NSD2: variants seen among roughly 807,000 people sequenced by gnomAD.
NSD2 encodes histone-lysine N-methyltransferase NSD2.
NSD2 carries 12 observed loss-of-function variants against 139.0 expected under a neutral mutation model. The observed-to-expected ratio is 0.09, with a 90% CI of 0.06 to 0.14. NSD2 has a LOEUF of 0.14. Ranked by LOEUF, NSD2 falls within the 10% of genes least tolerant of loss-of-function variation. The pLI, the probability that NSD2 is intolerant of heterozygous loss-of-function variation, is 1.00. For missense variants in NSD2, 1,155 were observed against 1,745.0 expected (o/e 0.66, Z 6.02); for synonymous variants, 669 against 648.7 (o/e 1.03, Z -0.48).
rs1311678740 is a variant in NSD2, at chr4:1,955,020, G to A, written c.2339-141G>A. The A allele has an allele frequency of 2.0e-6, 2 of 996,188 alleles. No homozygotes were observed. The highest frequency in any genetic ancestry group is 2.9e-6 in the Non-Finnish European group (2 of 688,004). The allele number at this position is 996,188 out of a possible 1,614,324, so 61.7% of individuals were successfully genotyped here. On this transcript the variant is annotated intron_variant, in intron 12 of 21. Coordinates refer to ENST00000508803, the MANE Select transcript of NSD2 (RefSeq NM_001042424.3). This position sits in a 1 kb window ranked among gnomAD's most constrained non-coding sequence, Gnocchi z 4.7. ...GTTTTGAAGCACCTTTGCTCTGAAA[G>A]CTTTTTTTAAATCAAATACCTCCAT...
chr4:1,964,130 A>G (rs1409911992), intron 18 of NSD2, among the ~76,000 whole-genome samples: 1 of 152,348 alleles, frequency 6.6e-6, no homozygotes, highest in Admixed American at 6.5e-5. Context: ...ACAAGACTAC[A>G]TTTAAAGGAG....
chr4:1,953,286 G>T, intron 11 of NSD2, 38 bp from the exon 12 acceptor site: 1 of 1,614,156 alleles, frequency 6.2e-7, no homozygotes. Context: ...CTTGTTCTTT[G>T]CACCTCTCTC....
intron 5 of NSD2, among the ~76,000 whole-genome samples, chr4:1,927,693 T>G (rs1281428661): frequency 8.5e-6 from 1 of 117,658 alleles, no homozygotes; most frequent in East Asian, 2.7e-4. Context: ...CACTCCAGCC[T>G]GGGCCACAAT....
At chr4:1,897,296 A>G (rs1173788927) in intron 1 of NSD2, among the ~76,000 whole-genome samples, 1 of 152,126 alleles carries the variant, frequency 6.6e-6, no homozygotes, top group Non-Finnish European at 1.5e-5. Flanking sequence ...AGCCTGGACA[A>G]TATAGTGAGA....
intron 7 of NSD2, among the ~76,000 whole-genome samples, chr4:1,938,101 C>T (rs1722612977): frequency 1.3e-5 from 2 of 152,286 alleles, no homozygotes; most frequent in South Asian, 4.1e-4. Context: ...GGTGCATGTT[C>T]AATAAGACTC....
At chr4:1,888,410 CAAAAAAAAAAAAAA>C (rs61397233) in intron 1 of NSD2, among the ~76,000 whole-genome samples, 5 of 53,200 alleles carry the variant, frequency 9.4e-5, no homozygotes, top group Non-Finnish European at 9.5e-5. Context: ...GAGATTGCCT[CAAAAAAAAAAAAAA>C]AAAAAAAAAA....
intron 1 of NSD2, among the ~76,000 whole-genome samples, chr4:1,888,116 T>C (rs1018827182): frequency 3.9e-5 from 6 of 152,090 alleles, no homozygotes; most frequent in African/African-American, 1.4e-4. Flanking sequence ...GAGGCAACGT[T>C]TATTAAGGCT....
At position 1,976,768 on chromosome 4, in the gene NSD2, C is replaced by T. The variant is rs1727125836; in HGVS notation, c.3826+89C>T. 2 of 1,399,552 alleles carry T rather than the reference C, an allele frequency of 1.4e-6. No individual in the cohort carries two copies. Among genetic ancestry groups the T allele is most frequent in the Non-Finnish European group, 1.9e-6 (2 of 1,041,682 alleles). 86.7% of individuals were successfully genotyped at this position (1,399,552 alleles called of 1,614,324 possible). On this transcript the variant is annotated intron_variant, in intron 21 of 21. Transcript: ENST00000508803. The surrounding 1 kb of genome is among the most constrained non-coding windows in gnomAD (Gnocchi z 5.3). ...GCTGCCGCTCTTCCTGCTGACCGGG[C>T]CTCATCTGGGTGCAGGCACATCAGG...
Position 1,976,688 on chromosome 4 carries a change from G to T in NSD2, c.3826+9G>T, listed in dbSNP as rs1180946927. ...TGGCAAGCGGCCCTTCGGTGGGTGT[G>T]CAGCCTCGCGGTGGCTTGCAGCTGT... On this transcript the variant is annotated intron_variant, in intron 21 of 21. Coordinates refer to ENST00000508803, the MANE Select transcript of NSD2 (RefSeq NM_001042424.3). The surrounding 1 kb of genome is among the most constrained non-coding windows in gnomAD (Gnocchi z 5.3). The T allele has an allele frequency of 2.6e-6, 4 of 1,559,564 alleles. No homozygotes were observed. In the South Asian group the frequency reaches 4.7e-5, roughly 18 times the overall value.
At chr4:1,873,873 A>G (rs1361712788) in intron 1 of NSD2, among the ~76,000 whole-genome samples, 3 of 152,214 alleles carry the variant, frequency 2.0e-5, no homozygotes, top group African/African-American at 4.8e-5. Flanking sequence ...TTTTAGAGAC[A>G]GGGTCTCTCT....
chr4:1,981,894 G>A lies in NSD2; in HGVS notation c.*2985G>A, dbSNP rs1727803301. ...AATGCTGTGTCCACGGGGTGTCACA[G>A]CCTCACCATACCCTGTTGAGGTGTG... On this transcript the variant is annotated 3_prime_UTR_variant, in exon 22 of 22. Transcript: ENST00000508803. 2.5e-6 allele frequency: 1 copy of A among 398,674 alleles called. No homozygotes were observed. The highest frequency in any genetic ancestry group is 1.3e-4 in the South Asian group (1 of 7,864). The allele number at this position is 398,674 out of a possible 1,614,324, so 24.7% of individuals were successfully genotyped here. A position where few individuals can be genotyped will look rare whatever the true frequency, so the allele number is the denominator to read the frequency against.
At chr4:1,883,940 C>A (rs1042709274) in intron 1 of NSD2, among the ~76,000 whole-genome samples, 1 of 152,182 alleles carries the variant, frequency 6.6e-6, no homozygotes, top group East Asian at 1.9e-4. Flanking sequence ...TGAACTGTCA[C>A]GAGAGCATGG....
At chr4:1,904,996 G>A (rs1717695400) in intron 3 of NSD2, among the ~76,000 whole-genome samples, 1 of 152,132 alleles carries the variant, frequency 6.6e-6, no homozygotes, top group East Asian at 1.9e-4. Flanking sequence ...CGGACGTGGT[G>A]GTGCACGCCT....
Position 1,930,700 on chromosome 4 carries a change from T to A in NSD2, c.1485T>A (p.Ser495Arg). Residue 495 changes from serine to arginine, a missense_variant, in exon 6 of 22, where the codon AGT becomes AGA. By Grantham distance (110) the Ser-to-Arg change is moderately radical (BLOSUM62 -1). Transcript: ENST00000508803. ...TCAGGTCACAGTGGAGTCTGCTGAG[T>A]GAGAAGCAGAGAGCACGCTACAACA... is the stretch of plus-strand genomic sequence containing the variant. ...ELLRSQWSLLSEKQRARYNTK... is the reference protein window; with the variant it reads ...ELLRSQWSLLREKQRARYNTK... The A allele has an allele frequency of 6.2e-7, 1 of 1,613,808 alleles. No homozygotes were observed. Among genetic ancestry groups the A allele is most frequent in the Non-Finnish European group, 8.5e-7 (1 of 1,179,920 alleles).
chr4:1,975,880 A>G (rs1727022777), intron 20 of NSD2, among the ~76,000 whole-genome samples: 1 of 152,070 alleles, frequency 6.6e-6, no homozygotes, highest in South Asian at 2.1e-4. Flanking sequence ...AACAGATCTC[A>G]TTGACAATGA....
intron 1 of NSD2, among the ~76,000 whole-genome samples, chr4:1,889,583 C>T (rs1264684268): frequency 4.6e-5 from 7 of 151,682 alleles, no homozygotes; most frequent in African/African-American, 1.7e-4. Flanking sequence ...CTTACTGTAA[C>T]CTCCGCCTCC....
At chr4:1,919,051 A>C (rs1475413222) in intron 5 of NSD2, 1 of 166,994 alleles carries the variant, frequency 6.0e-6, no homozygotes, top group Non-Finnish European at 1.3e-5. Flanking sequence ...AGACAGGAGG[A>C]TCCCTTGAGT....
intron 18 of NSD2, among the ~76,000 whole-genome samples, chr4:1,965,430 AAG>A (rs1725788589): frequency 6.6e-6 from 1 of 152,240 alleles, no homozygotes; most frequent in Non-Finnish European, 1.5e-5. Context: ...CCAGATGGTG[AAG>A]AGAGAAAGAG....
chr4:1,894,593 G>A (rs1402320989), intron 1 of NSD2, among the ~76,000 whole-genome samples: 1 of 151,588 alleles, frequency 6.6e-6, no homozygotes, highest in Non-Finnish European at 1.5e-5. Flanking sequence ...GATTGCTTGG[G>A]CCCAGGAGTT....
Sources: gnomAD v4.1 joint callset for allele counts (sites outside exome capture counted in the v4.1 genomes callset) on GRCh38, gnomAD v4.1.1 for gene constraint, Gnocchi (gnomAD v3.1) non-coding constraint, MANE v1.5 for transcripts, NCBI Gene and HGNC (gene_info 2026-07-23, HGNC 2026-07-21) for gene names.